Variants in SLC6A16 observed in about 807,000 individuals in gnomAD.
SLC6A16 encodes the protein orphan sodium- and chloride-dependent neurotransmitter transporter NTT5.
SLC6A16 carries 54 observed loss-of-function variants against 65.4 expected under a neutral mutation model. That is an observed-to-expected ratio of 0.83 (90% CI 0.66 to 1.04). The LOEUF is 1.04. Ranked by LOEUF, SLC6A16 falls within the 50% of genes least tolerant of loss-of-function variation. The pLI, the probability that SLC6A16 is intolerant of heterozygous loss-of-function variation, is 0.00. For synonymous variants in SLC6A16, 330 were observed against 346.5 expected, an observed-to-expected ratio of 0.95 and a Z score of 0.53; for missense variants, 816 against 914.0, an observed-to-expected ratio of 0.89 and a Z score of 1.38.
chr19:49,293,536 G>A (rs1970121441), intron 9 of SLC6A16, among the ~76,000 whole-genome samples, 154 bp from the exon 10 acceptor site: 1 of 152,138 alleles, frequency 6.6e-6, no homozygotes, highest in Non-Finnish European at 1.5e-5. Context: ...GAGCCTAAGT[G>A]GGCAGATTCC....
In SLC6A16 at chr19:49,289,990, C is replaced by T. The variant is rs1440982218; in HGVS notation, c.*133G>A. Reference sequence around the variant, plus strand: ...GCAAGTCCAGGCCCCATGAACACCCCCAAAGAATGCCCCTCCTCTTGGAAA... The same window carrying T: ...GCAAGTCCAGGCCCCATGAACACCCTCAAAGAATGCCCCTCCTCTTGGAAA... On this transcript the variant is annotated 3_prime_UTR_variant, in exon 12 of 12. Transcript: ENST00000335875. 1.1e-5 allele frequency: 10 copies of T among 924,494 alleles called. No individual in the cohort carries two copies. The East Asian group carries it at 2.3e-4, about 21-fold the overall frequency. The allele number at this position is 924,494 out of a possible 1,614,324, so 57.3% of individuals were successfully genotyped here.
At chr19:49,312,208 T>C (rs1970536292) in intron 1 of SLC6A16, among the ~76,000 whole-genome samples, 1 of 152,186 alleles carries the variant, frequency 6.6e-6, no homozygotes, top group African/African-American at 2.4e-5. Flanking sequence ...AGAGGGCTTC[T>C]GAATTTAAAA....
chr19:49,310,513 G>A lies in SLC6A16; in HGVS notation c.416-3C>T. ...GATGTAGATGGCAGCGAAACTGCCTGTGAAGAAGATTCAGAAGGGACTCTG... is the reference window on the plus strand; with the variant it reads ...GATGTAGATGGCAGCGAAACTGCCTATGAAGAAGATTCAGAAGGGACTCTG... On this transcript the variant is annotated splice_polypyrimidine_tract_variant and splice_region_variant and intron_variant, in intron 2 of 11. Coordinates refer to ENST00000335875, the MANE Select transcript of SLC6A16 (RefSeq NM_014037.3). 5 of 1,614,018 alleles carry A rather than the reference G, an allele frequency of 3.1e-6. No individual in the cohort carries two copies. The highest frequency in any genetic ancestry group is 4.2e-6 in the Non-Finnish European group (5 of 1,180,002).
In SLC6A16 at chr19:49,289,853, T is replaced by G; in HGVS notation, c.*270A>C. The G allele has an allele frequency of 2.4e-6, 1 of 419,070 alleles. No homozygotes were observed. The highest frequency in any genetic ancestry group is 4.3e-6 in the Non-Finnish European group (1 of 234,094). The allele number at this position is 419,070 out of a possible 1,614,324, so 26.0% of individuals were successfully genotyped here. A position where few individuals can be genotyped will look rare whatever the true frequency, so the allele number is the denominator to read the frequency against. On this transcript the variant is annotated 3_prime_UTR_variant, in exon 12 of 12. Coordinates refer to ENST00000335875, the MANE Select transcript of SLC6A16 (RefSeq NM_014037.3). ...ACAGGCACCCCAGAAGTAGCAGGAC[T>G]GGTAGACATCACTAGTATTGTATAT...
intron 1 of SLC6A16, among the ~76,000 whole-genome samples, chr19:49,324,011 CAG>C (rs1477924038): frequency 5.3e-5 from 8 of 151,994 alleles, no homozygotes; most frequent in Admixed American, 5.2e-4. Context: ...GCCTGGGAGA[CAG>C]AGAGAGACCC....
intron 7 of SLC6A16, among the ~76,000 whole-genome samples, chr19:49,297,695 C>G (rs1014830201): frequency 2.0e-5 from 3 of 152,052 alleles, no homozygotes; most frequent in Admixed American, 2.0e-4. Context: ...TCAGATGCCT[C>G]TGAGTAGGAG....
chr19:49,294,168 C>A, intron 8 of SLC6A16, 140 bp from the exon 9 acceptor site: 2 of 908,472 alleles, frequency 2.2e-6, no homozygotes, highest in Admixed American at 2.6e-5. Flanking sequence ...TCCAAGCTAA[C>A]CCCCTGACAT....
At chr19:49,322,005 G>C (rs1970719360) in intron 1 of SLC6A16, among the ~76,000 whole-genome samples, 1 of 151,262 alleles carries the variant, frequency 6.6e-6, no homozygotes, top group Non-Finnish European at 1.5e-5. Context: ...AATGATAAAA[G>C]ACTGTAAGCT....
chr19:49,338,564 C>A, the SLC6A16 span: 2 of 683,024 alleles, frequency 2.9e-6, no homozygotes, highest in Non-Finnish European at 2.6e-6. This position sits in a 1 kb window ranked among gnomAD's most constrained non-coding sequence, Gnocchi z 5.0. Flanking sequence ...GTGACCCCAG[C>A]CCACTGTCCC....
At chr19:49,330,857 G>T in the SLC6A16 span, among the ~76,000 whole-genome samples, 2 of 151,622 alleles carry the variant, frequency 1.3e-5, no homozygotes, top group African/African-American at 4.9e-5. Flanking sequence ...CGGGAGAATC[G>T]CTTGAACCCG....
At chr19:49,339,410 C>A in the SLC6A16 span, 1 of 1,613,396 alleles carries the variant, frequency 6.2e-7, no homozygotes, top group Non-Finnish European at 8.5e-7. This position sits in a 1 kb window ranked among gnomAD's most constrained non-coding sequence, Gnocchi z 4.5. Flanking sequence ...TCGGCCTACT[C>A]GAGGTGATCT....
At chr19:49,316,002 T>A (rs1259542789) in intron 1 of SLC6A16, among the ~76,000 whole-genome samples, 1 of 152,134 alleles carries the variant, frequency 6.6e-6, no homozygotes, top group Non-Finnish European at 1.5e-5. Flanking sequence ...AACTCACTAT[T>A]CACAGATGAT....
In SLC6A16 at chr19:49,309,355, C is replaced by G. The variant is rs373701192; in HGVS notation, c.933G>C (p.Arg311=). 19 of 1,614,078 alleles carry G rather than the reference C, an allele frequency of 1.2e-5. No individual in the cohort carries two copies. In the African/African-American group the frequency reaches 1.5e-4, roughly 12 times the overall value. ...PCFIIVGFFI[R]TLLLEGAKFG... The stretch of plus-strand genomic sequence containing the variant: ...ATTTTGCCCCTTCCAGGAGTAGAGT[C>G]CGGATGAAGAAACCGACAATGATGA... The change falls in exon 6 of 12, where the codon CGG becomes CGC. Residue 311 remains arginine, a synonymous_variant. Coordinates refer to ENST00000335875, the MANE Select transcript of SLC6A16 (RefSeq NM_014037.3).
intron 1 of SLC6A16, among the ~76,000 whole-genome samples, chr19:49,313,024 A>C (rs1008289370): frequency 1.4e-5 from 2 of 145,808 alleles, no homozygotes; most frequent in African/African-American, 2.6e-5. Context: ...CGGAGGTTGC[A>C]ATGAGCCGAG....
chr19:49,306,819 G>A (rs1431118532), intron 7 of SLC6A16, among the ~76,000 whole-genome samples: 2 of 151,988 alleles, frequency 1.3e-5, no homozygotes, highest in Non-Finnish European at 2.9e-5. Flanking sequence ...TGGGATTATA[G>A]GCATGAGCCA....
intron 1 of SLC6A16, among the ~76,000 whole-genome samples, chr19:49,312,305 T>C (rs1247398951): frequency 2.0e-5 from 3 of 152,248 alleles, no homozygotes; most frequent in Non-Finnish European, 4.4e-5. Context: ...AGCTTTCTAA[T>C]CTGTAAAACA....
At chr19:49,338,918 G>C in the SLC6A16 span, 3 of 1,613,244 alleles carry the variant, frequency 1.9e-6, no homozygotes, top group Admixed American at 1.7e-5. The surrounding 1 kb of genome is among the most constrained non-coding windows in gnomAD (Gnocchi z 5.0). Flanking sequence ...TCCCTGCAGA[G>C]AGCCACATCT....
intron 6 of SLC6A16, 81 bp downstream of exon 6, chr19:49,309,220 G>C (rs896579751): frequency 1.7e-4 from 276 of 1,579,974 alleles, no homozygotes; most frequent in Non-Finnish European, 1.6e-4. Context: ...CAAAAGTAAA[G>C]AATGGGGAAA....
chr19:49,331,896 C>T, the SLC6A16 span: 1 of 455,192 alleles, frequency 2.2e-6, no homozygotes, highest in East Asian at 6.9e-5. Context: ...TGCACCACTG[C>T]ACTCTGCCAC....
Sources: gnomAD v4.1 joint callset for allele counts (sites outside exome capture counted in the v4.1 genomes callset) on GRCh38, gnomAD v4.1.1 for gene constraint, Gnocchi (gnomAD v3.1) non-coding constraint, MANE v1.5 for transcripts, NCBI Gene and HGNC (gene_info 2026-07-23, HGNC 2026-07-21) for gene names.